The following ZFHX3 variants were observed in gnomAD, a reference collection of about 807,000 sequenced individuals.
ZFHX3 encodes zinc finger homeobox protein 3.
In ZFHX3, 42 loss-of-function variants were observed where a neutral mutation model predicts 279.1. That is an observed-to-expected ratio of 0.15 (90% CI 0.12 to 0.19). The LOEUF is 0.19. Among genes scored for constraint, ZFHX3 ranks in the 10% least tolerant of loss-of-function variants. The probability of loss-of-function intolerance (pLI) is 1.00; values close to 1 mark genes in which losing one functional copy is unlikely to be tolerated. For missense variants in ZFHX3, 4,981 were observed against 4,754.0 expected (o/e 1.05, Z -1.40); for synonymous variants, 2,293 against 1,957.8 (o/e 1.17, Z -4.52).
At chr16:73,113,715 A>T (rs1041635931) in intron 7 of ZFHX3, among the ~76,000 whole-genome samples, 1 of 150,670 alleles carries the variant, frequency 6.6e-6, no homozygotes, top group African/African-American at 2.4e-5. Flanking sequence ...ATGGGGTATG[A>T]TGCATCCATT....
At chr16:73,530,111 G>C (rs1483152165) in intron 2 of ZFHX3, among the ~76,000 whole-genome samples, 1 of 152,164 alleles carries the variant, frequency 6.6e-6, no homozygotes, top group Non-Finnish European at 1.5e-5. Context: ...CACGTGGCTG[G>C]GGAGGCCTCA....
chr16:73,679,501 C>A (rs886844863), intron 2 of ZFHX3: 1 of 152,068 alleles, frequency 6.6e-6, no homozygotes, highest in African/African-American at 2.4e-5. Flanking sequence ...GACATTCAAA[C>A]TCTTCTCTTT....
chr16:72,888,376 A>C (rs2038683668), intron 4 of ZFHX3, among the ~76,000 whole-genome samples: 2 of 152,156 alleles, frequency 1.3e-5, no homozygotes, highest in African/African-American at 4.8e-5. Context: ...TGTGGCAGAG[A>C]AAGTGGTGAG....
In ZFHX3 at chr16:73,539,433, CTTTTTTTT is replaced by C. The variant is rs1162434013; in HGVS notation, c.-1546-83183_-1546-83176del. 7.6e-3 allele frequency among the ~76,000 whole-genome samples: 495 copies of C among 65,090 alleles called. 5 individuals are homozygous for C. The highest frequency in any genetic ancestry group is 0.026 in the African/African-American group (459 of 17,448). 42.7% of individuals were successfully genotyped at this position (65,090 alleles called of 152,430 possible). A position where few individuals can be genotyped will look rare whatever the true frequency, so the allele number is the denominator to read the frequency against. On this transcript the variant is annotated intron_variant, in intron 2 of 17. Transcript: ENST00000641206. Reference sequence around the variant, plus strand: ...TAAATTTTTTTCCCTTCCTCTTCTTCTTTTTTTTTTTTTTTTTTTTTTTTTTTTTATAA... The same window carrying C: ...TAAATTTTTTTCCCTTCCTCTTCTTCTTTTTTTTTTTTTTTTTTTTTATAA...
intron 2 of ZFHX3, among the ~76,000 whole-genome samples, chr16:73,473,717 G>A (rs1431923029): frequency 1.3e-5 from 2 of 152,174 alleles, no homozygotes; most frequent in Non-Finnish European, 2.9e-5. Context: ...CCATCTCATG[G>A]TAAGCTGTCT....
chr16:73,088,565 A>C (rs1490945508), intron 8 of ZFHX3, among the ~76,000 whole-genome samples: 1 of 152,236 alleles, frequency 6.6e-6, no homozygotes, highest in African/African-American at 2.4e-5. Context: ...GGTATGGATA[A>C]GAACAAAGGA....
intron 2 of ZFHX3, among the ~76,000 whole-genome samples, chr16:73,502,982 C>T (rs1025852628): frequency 1.8e-4 from 28 of 152,230 alleles, no homozygotes; most frequent in South Asian, 6.2e-4. Flanking sequence ...ATGGTGCATC[C>T]ACTGGTGTGC....
At chr16:72,827,130 C>T (rs2036952440) in intron 5 of ZFHX3, among the ~76,000 whole-genome samples, 1 of 152,148 alleles carries the variant, frequency 6.6e-6, no homozygotes, top group Non-Finnish European at 1.5e-5. Context: ...ACGAAACATA[C>T]GCACCAAACA....
intron 4 of ZFHX3, among the ~76,000 whole-genome samples, chr16:72,841,660 C>A (rs2037348667): frequency 6.6e-6 from 1 of 152,218 alleles, no homozygotes; most frequent in Non-Finnish European, 1.5e-5. Flanking sequence ...AAATCTCCCA[C>A]AGCTACTAAA....
chr16:72,916,132 C>G (rs1487133732), intron 3 of ZFHX3, among the ~76,000 whole-genome samples: 2 of 152,212 alleles, frequency 1.3e-5, no homozygotes, highest in East Asian at 3.8e-4. Context: ...CAGTGAATCA[C>G]TTACAGAGCA....
chr16:73,539,970 C>T (rs763131265), intron 2 of ZFHX3, among the ~76,000 whole-genome samples: 4 of 152,212 alleles, frequency 2.6e-5, no homozygotes, highest in Non-Finnish European at 5.9e-5. Context: ...TTAGACTCTG[C>T]TAAGGACATG....
intron 5 of ZFHX3, among the ~76,000 whole-genome samples, chr16:72,825,501 C>T (rs1439823787): frequency 2.0e-5 from 3 of 152,166 alleles, no homozygotes; most frequent in Non-Finnish European, 4.4e-5. Context: ...TACCTTTTGG[C>T]GATGTGCTAG....
At position 72,797,572 on chromosome 16, in the gene ZFHX3, G is replaced by A; in HGVS notation, c.5110C>T (p.Pro1704Ser). 6.2e-7 allele frequency: 1 copy of A among 1,614,150 alleles called. No homozygotes were observed. The highest frequency in any genetic ancestry group is 1.1e-5 in the South Asian group (1 of 91,076). Reference sequence around the variant, plus strand: ...CGATTGGCCTCTTTGGGCTCTGAAGGGGAAGCAATGTTGGCACCAATAGGA... The same window carrying A: ...CGATTGGCCTCTTTGGGCTCTGAAGAGGAAGCAATGTTGGCACCAATAGGA... ...GNPIGANIASPSEPKEANRKK... is the reference protein window; with the variant it reads ...GNPIGANIASSSEPKEANRKK... The change falls in exon 9 of 10, where the codon CCT becomes TCT. Residue 1704 changes from proline to serine, a missense_variant. Physicochemically the swap from Pro to Ser is moderately conservative, Grantham distance 74. Coordinates refer to ENST00000268489, the MANE Select transcript of ZFHX3 (RefSeq NM_006885.4).
chr16:72,845,257 T>G (rs1266530966), intron 4 of ZFHX3, among the ~76,000 whole-genome samples: 1 of 152,042 alleles, frequency 6.6e-6, no homozygotes, highest in Non-Finnish European at 1.5e-5. Flanking sequence ...GAGAAAACAC[T>G]GGAACCCCCT....
At chr16:73,747,685 T>C (rs540406934) in intron 1 of ZFHX3, among the ~76,000 whole-genome samples, 2 of 152,190 alleles carry the variant, frequency 1.3e-5, no homozygotes, top group Non-Finnish European at 2.9e-5. Flanking sequence ...AGGTAATGTA[T>C]GTATGTGTAG....
chr16:73,757,043 T>C (rs1433969237), intron 1 of ZFHX3, among the ~76,000 whole-genome samples: 1 of 151,996 alleles, frequency 6.6e-6, no homozygotes, highest in Admixed American at 6.6e-5. Context: ...CATAAGGAAA[T>C]GCAGGAACAA....
In ZFHX3 at chr16:72,787,294, G is replaced by T. The variant is rs200911275; in HGVS notation, c.10982C>A (p.Ser3661Ter). The change falls in exon 10 of 10, where the codon TCG (serine) becomes TAG (stop). Residue 3661 changes from serine (S) to a stop codon, truncating the protein, a stop_gained. Transcript: ENST00000268489. LOFTEE classifies it high-confidence loss of function. ...GCTGAGATCCGTGTCAGACTCCTCC[G>T]AATAGTCGTCTGTTGGCATCGAGGG... ...VQPSMPTDDY[S>*]EESDTDLSQK... is the part of the protein sequence containing the mutation. 2.5e-6 allele frequency: 4 copies of T among 1,614,030 alleles called. No homozygotes were observed. Among genetic ancestry groups the T allele is most frequent in the Non-Finnish European group, 3.4e-6 (4 of 1,180,010 alleles).
At chr16:73,363,531 T>C (rs922030747) in intron 3 of ZFHX3, among the ~76,000 whole-genome samples, 2 of 152,134 alleles carry the variant, frequency 1.3e-5, no homozygotes, top group African/African-American at 4.8e-5. Flanking sequence ...TGAAATAGAC[T>C]TCTCTTGCTG....
chr16:73,871,494 AAGAGAG>A (rs552408513), intron 1 of ZFHX3, among the ~76,000 whole-genome samples: 61 of 149,636 alleles, frequency 4.1e-4, no homozygotes, highest in Admixed American at 2.1e-3. Flanking sequence ...TAAAAAAAAA[AAGAGAG>A]AGAGAGAGAG....
Sources: gnomAD v4.1 joint callset for allele counts (sites outside exome capture counted in the v4.1 genomes callset) on GRCh38, gnomAD v4.1.1 for gene constraint, MANE v1.5 for transcripts, NCBI Gene and HGNC (gene_info 2026-07-23, HGNC 2026-07-21) for gene names.